NARF: variants seen among roughly 807,000 people sequenced by gnomAD.
NARF encodes nuclear prelamin A recognition factor.
Under a neutral mutation model 48.0 loss-of-function variants are expected in NARF, and 41 were observed. That is an observed-to-expected ratio of 0.85 (90% CI 0.66 to 1.11). The LOEUF is 1.11. Ranked by LOEUF, NARF falls within the 50% of genes least tolerant of loss-of-function variation. NARF has a pLI of 0.00. For synonymous variants in NARF, 215 were observed against 225.5 expected (o/e 0.95, Z 0.42); for missense variants, 613 against 590.2 (o/e 1.04, Z -0.40).
At chr17:82,486,941 C>T (rs2044108717) in intron 10 of NARF, among the ~76,000 whole-genome samples, 1 of 152,198 alleles carries the variant, frequency 6.6e-6, no homozygotes, top group African/African-American at 2.4e-5. Flanking sequence ...GGTGTGTGGG[C>T]TCATGGCTGG....
chr17:82,482,407 T>TGTGTTG (rs2043986249), intron 7 of NARF: 1 of 81,076 alleles, frequency 1.2e-5, no homozygotes, highest in African/African-American at 7.6e-5. Flanking sequence ...GCCATCTGCT[T>TGTGTTG]ACGTTGACAA....
rs564491866 is a variant in NARF, at chr17:82,468,397, G to A, written c.253-367G>A. On this transcript the variant is annotated intron_variant, in intron 3 of 10. Transcript: ENST00000309794. ...GTATTACTCTGTCACTCAGGCTAGA[G>A]CGCAGTGGCTATGGCTGTTCCTAAG... The A allele has an allele frequency of 3.8e-5, 7 of 183,372 alleles. No homozygotes were observed. The South Asian group carries it at 7.9e-4, about 21-fold the overall frequency. The allele number at this position is 183,372 out of a possible 1,614,324, so 11.4% of individuals were successfully genotyped here.
At chr17:82,462,876 T>G (rs963537611) in intron 2 of NARF, 1 of 152,298 alleles carries the variant, frequency 6.6e-6, no homozygotes, top group African/African-American at 2.4e-5. Context: ...AGTTTGGTCA[T>G]GGGCATCTCA....
At chr17:82,468,946 G>A (rs201329042) in intron 4 of NARF, 50 bp downstream of exon 4, 53 of 1,599,066 alleles carry the variant, frequency 3.3e-5, no homozygotes, top group East Asian at 1.3e-4. Flanking sequence ...GTTTATAAGC[G>A]CCCTTTTTAA....
intron 5 of NARF, chr17:82,477,792 G>C (rs1320741345): frequency 2.0e-5 from 3 of 152,284 alleles, no homozygotes; most frequent in Non-Finnish European, 4.4e-5. Flanking sequence ...GGGATTACAG[G>C]CGTGAGCTAC....
chr17:82,467,354 CTT>C (rs2043594483), intron 3 of NARF, among the ~76,000 whole-genome samples: 1 of 152,154 alleles, frequency 6.6e-6, no homozygotes. Context: ...GCCCTTGACT[CTT>C]ATATCTGAAC....
chr17:82,458,851 A>C, intron 1 of NARF, 21 bp downstream of exon 1: 1 of 1,394,272 alleles, frequency 7.2e-7, no homozygotes, highest in Non-Finnish European at 9.3e-7. Flanking sequence ...CGGGCCGGGG[A>C]GGCGCGCGCC....
intron 6 of NARF, among the ~76,000 whole-genome samples, chr17:82,480,243 G>A (rs988662160): frequency 1.4e-4 from 22 of 152,194 alleles, no homozygotes; most frequent in Admixed American, 1.2e-3. Context: ...GGTGGGCATC[G>A]CTTGGGAAGA....
intron 3 of NARF, chr17:82,468,502 G>A: frequency 2.4e-6 from 1 of 416,884 alleles, no homozygotes; most frequent in African/African-American, 2.1e-5. Context: ...AGCTGGAACT[G>A]TAGGCATGCA....
chr17:82,466,402 C>T (rs369042527), intron 3 of NARF, among the ~76,000 whole-genome samples: 1 of 152,124 alleles, frequency 6.6e-6, no homozygotes, highest in Non-Finnish European at 1.5e-5. Flanking sequence ...GCTGCTTGTC[C>T]AGTCTACAAC....
chr17:82,487,797 C>CAGAACA, intron 10 of NARF, 119 bp from the exon 11 acceptor site: 1 of 505,670 alleles, frequency 2.0e-6, no homozygotes, highest in Non-Finnish European at 3.4e-6. Flanking sequence ...CCAATCTCTA[C>CAGAACA]AAAAAATTTA....
intron 6 of NARF, 51 bp downstream of exon 6, chr17:82,478,969 G>C (rs773990480): frequency 4.3e-5 from 67 of 1,546,816 alleles, no homozygotes; most frequent in Non-Finnish European, 5.7e-5. Flanking sequence ...GAGGACCATG[G>C]CACAGGGGCC....
intron 2 of NARF, among the ~76,000 whole-genome samples, chr17:82,461,342 T>C (rs2043433554): frequency 6.6e-6 from 1 of 152,040 alleles, no homozygotes; most frequent in Non-Finnish European, 1.5e-5. Context: ...CCAGGCATGG[T>C]GGCTCACACC....
chr17:82,488,583 C>T lies in NARF; in HGVS notation c.*426C>T, dbSNP rs983040837. The T allele has an allele frequency of 6.0e-6, 1 of 167,706 alleles. No individual in the cohort carries two copies. The highest frequency in any genetic ancestry group is 2.4e-5 in the African/African-American group (1 of 41,684). 10.4% of individuals were successfully genotyped at this position (167,706 alleles called of 1,614,324 possible). A position where few individuals can be genotyped will look rare whatever the true frequency, so the allele number is the denominator to read the frequency against. On this transcript the variant is annotated 3_prime_UTR_variant, in exon 11 of 11. Transcript: ENST00000309794. Reference sequence around the variant, plus strand: ...AGAGATGGGGTTTCACTATGTTGGCCAGGCTGGTATTGAATTCCTGACCTC... The same window carrying T: ...AGAGATGGGGTTTCACTATGTTGGCTAGGCTGGTATTGAATTCCTGACCTC...
intron 2 of NARF, among the ~76,000 whole-genome samples, chr17:82,461,194 G>T (rs2043427477): frequency 6.6e-6 from 1 of 152,154 alleles, no homozygotes; most frequent in African/African-American, 2.4e-5. Context: ...AAAGTGCTGG[G>T]ATTACAGGCG....
intron 5 of NARF, among the ~76,000 whole-genome samples, chr17:82,473,745 A>G (rs2043771004): frequency 6.6e-6 from 1 of 151,886 alleles, no homozygotes; most frequent in Admixed American, 6.6e-5. Flanking sequence ...TTTAGTAGAG[A>G]TGGGGTTTCG....
At chr17:82,458,515 GGA>G (rs2043340305), upstream of NARF, 3 of 385,972 alleles carry the variant, frequency 7.8e-6, no homozygotes, top group Non-Finnish European at 1.4e-5. Context: ...CGCCGTACGT[GGA>G]GTGAGCCTGC....
chr17:82,485,432 G>C, intron 9 of NARF, 65 bp from the exon 10 acceptor site: 1 of 1,506,512 alleles, frequency 6.6e-7, no homozygotes, highest in South Asian at 1.2e-5. Context: ...AAAAAAAAAA[G>C]GAAGTGTTCT....
intron 7 of NARF, chr17:82,482,278 A>C (rs906807084): frequency 2.3e-6 from 1 of 427,662 alleles, no homozygotes. Context: ...GCCTCTGGAA[A>C]GGTCCCCACC....
Sources: gnomAD v4.1 joint callset for allele counts (sites outside exome capture counted in the v4.1 genomes callset) on GRCh38, gnomAD v4.1.1 for gene constraint, MANE v1.5 for transcripts, NCBI Gene and HGNC (gene_info 2026-07-23, HGNC 2026-07-21) for gene names.